Variants in UPF1 observed in about 807,000 individuals in gnomAD.
UPF1 encodes the protein regulator of nonsense transcripts 1.
UPF1 carries 9 observed loss-of-function variants against 129.2 expected under a neutral mutation model. That is an observed-to-expected ratio of 0.07 (90% CI 0.04 to 0.12). UPF1 has a LOEUF of 0.12. UPF1 is among the 10% of genes least tolerant of loss of function. The pLI is 1.00. For missense variants in UPF1, 788 were observed against 1,525.3 expected (o/e 0.52, Z 8.05); for synonymous variants, 649 against 644.9 (o/e 1.01, Z -0.10).
At position 18,850,305 on chromosome 19, in the gene UPF1, C is replaced by G; in HGVS notation, c.629+63C>G. The G allele has an allele frequency of 1.3e-6, 2 of 1,516,420 alleles. No homozygotes were observed. The highest frequency in any genetic ancestry group is 1.4e-5 in the African/African-American group (1 of 71,796). The allele number at this position is 1,516,420 out of a possible 1,614,324, so 93.9% of individuals were successfully genotyped here. A position where few individuals can be genotyped will look rare whatever the true frequency, so the allele number is the denominator to read the frequency against. On this transcript the variant is annotated intron_variant, in intron 4 of 23. Coordinates refer to ENST00000262803, the MANE Select transcript of UPF1 (RefSeq NM_002911.4). This position sits in a 1 kb window ranked among gnomAD's most constrained non-coding sequence, Gnocchi z 7.1. ...AAGCTCCAGCCGTCTCCTCACAAGC[C>G]TTGGCCCAGCCCAGCCCAGCCGTGG...
At chr19:18,845,053 G>T (rs2145943300) in intron 1 of UPF1, among the ~76,000 whole-genome samples, 1 of 152,332 alleles carries the variant, frequency 6.6e-6, no homozygotes, top group South Asian at 2.1e-4. Context: ...CTGTCCCTAG[G>T]CTCGCACAGG....
At chr19:18,841,549 C>A (rs1348082964) in intron 1 of UPF1, among the ~76,000 whole-genome samples, 2 of 152,218 alleles carry the variant, frequency 1.3e-5, no homozygotes, top group Non-Finnish European at 2.9e-5. Flanking sequence ...TGTCTCTGGG[C>A]CCTGCGTTCC....
chr19:18,854,732 C>T (rs200072484), intron 9 of UPF1, 23 bp downstream of exon 9: 521 of 1,610,318 alleles, frequency 3.2e-4, no homozygotes, highest in Non-Finnish European at 2.4e-4. Context: ...CCATCACTGC[C>T]CCCTGTTCCC....
chr19:18,861,072 T>C (rs979648638), intron 17 of UPF1, 90 bp downstream of exon 17: 21 of 1,456,504 alleles, frequency 1.4e-5, no homozygotes, highest in Non-Finnish European at 1.9e-5. Context: ...GAGGGGCCCG[T>C]CCTGGCTGGA....
At chr19:18,843,406 A>G (rs922613290) in intron 1 of UPF1, among the ~76,000 whole-genome samples, 1 of 152,048 alleles carries the variant, frequency 6.6e-6, no homozygotes, top group Non-Finnish European at 1.5e-5. Flanking sequence ...CAGTGGTGCA[A>G]ATGTTGGAGT....
intron 1 of UPF1, among the ~76,000 whole-genome samples, chr19:18,833,930 C>T (rs2055456247): frequency 6.6e-6 from 1 of 152,104 alleles, no homozygotes; most frequent in African/African-American, 2.4e-5. Context: ...ACCCCATATT[C>T]CTTAAAATAG....
Position 18,850,025 on chromosome 19 carries a change from G to T in UPF1, c.462-50G>T, listed in dbSNP as rs1414000121. 3.1e-6 allele frequency: 5 copies of T among 1,611,934 alleles called. No individual in the cohort carries two copies. The highest frequency in any genetic ancestry group is 1.7e-6 in the Non-Finnish European group (2 of 1,179,016). ...AACAGGGGCCCGAAAATTGGAAGTG[G>T]TGAAAAGCCAAATTTTGGGTGTTAA... On this transcript the variant is annotated intron_variant, in intron 3 of 23. Transcript: ENST00000262803. The surrounding 1 kb of genome is among the most constrained non-coding windows in gnomAD (Gnocchi z 7.1).
In UPF1 at chr19:18,867,796, G is replaced by C. The variant is rs1243567531; in HGVS notation, c.*1279G>C. The C allele has an allele frequency of 1.3e-5, 2 of 152,360 alleles. No homozygotes were observed. The highest frequency in any genetic ancestry group is 2.9e-5 in the Non-Finnish European group (2 of 68,136). The allele number at this position is 152,360 out of a possible 1,614,324, so 9.4% of individuals were successfully genotyped here. On this transcript the variant is annotated 3_prime_UTR_variant, in exon 24 of 24. Coordinates refer to ENST00000262803, the MANE Select transcript of UPF1 (RefSeq NM_002911.4). ...AACGCCTGGCTTGGGGTGTCATTCT[G>C]CCTGGCGGCCAGGCCTCCAGCTTCC...
Position 18,862,428 on chromosome 19 carries a change from G to A in UPF1, c.2600+276G>A, listed in dbSNP as rs7255787. On this transcript the variant is annotated intron_variant, in intron 18 of 23. Coordinates refer to ENST00000262803, the MANE Select transcript of UPF1 (RefSeq NM_002911.4). The stretch of plus-strand genomic sequence containing the variant: ...GTCTGTCAAGTTGTTTAATCTGAGA[G>A]GCTGTAAGTTTTGGTCCTGTCCACT... 4.3e-3 allele frequency among the ~76,000 whole-genome samples: 661 copies of A among 152,212 alleles called. 7 individuals carry two copies. Among genetic ancestry groups the A allele is most frequent in the African/African-American group, 0.015 (629 of 41,534 alleles).
chr19:18,864,100 C>A, intron 19 of UPF1, 70 bp from the exon 20 acceptor site: 2 of 1,423,556 alleles, frequency 1.4e-6, no homozygotes, highest in Non-Finnish European at 2.0e-6. Flanking sequence ...ACCTCCCAGG[C>A]CACCGGGCCC....
intron 3 of UPF1, chr19:18,848,118 A>G: frequency 2.7e-6 from 1 of 369,722 alleles, no homozygotes; most frequent in Non-Finnish European, 5.1e-6. Flanking sequence ...AGCTCTTGGC[A>G]CACCCGCTGA....
rs1601110715 is a variant in UPF1 at position 18,850,989 on chromosome 19, G to T, written c.810+121G>T. The T allele has an allele frequency of 7.9e-7, 1 of 1,260,130 alleles. No homozygotes were observed. The highest frequency in any genetic ancestry group is 2.7e-5 in the East Asian group (1 of 36,664). 78.1% of individuals were successfully genotyped at this position (1,260,130 alleles called of 1,614,324 possible). On this transcript the variant is annotated intron_variant, in intron 5 of 23. Transcript: ENST00000262803. The surrounding 1 kb of genome is among the most constrained non-coding windows in gnomAD (Gnocchi z 7.1). Reference sequence around the variant, plus strand: ...TGGAGATTCTCTGAAAGGAATTCAGGCAGACCTCTGCCACCTCTACGTGGA... The same window carrying T: ...TGGAGATTCTCTGAAAGGAATTCAGTCAGACCTCTGCCACCTCTACGTGGA...
At chr19:18,845,021 G>C (rs1028764026) in intron 1 of UPF1, among the ~76,000 whole-genome samples, 19 of 152,216 alleles carry the variant, frequency 1.2e-4, no homozygotes, top group Non-Finnish European at 2.5e-4. Context: ...GGCCTCTGTG[G>C]GGTGCTGCTC....
rs1028835090 is a variant in UPF1 at position 18,866,891 on chromosome 19, A to AG, written c.*376dup. 6.6e-6 allele frequency: 1 copy of AG among 152,636 alleles called. No homozygotes were observed. The highest frequency in any genetic ancestry group is 2.4e-5 in the African/African-American group (1 of 41,474). The allele number at this position is 152,636 out of a possible 1,614,324, so 9.5% of individuals were successfully genotyped here. On this transcript the variant is annotated 3_prime_UTR_variant, in exon 24 of 24. Coordinates refer to ENST00000262803, the MANE Select transcript of UPF1 (RefSeq NM_002911.4). ...GATTGAAAGGGGACTACGTCTTAGC[A>AG]GGAAAAAAAACTTCGCATTTCTGTG...
intron 17 of UPF1, among the ~76,000 whole-genome samples, chr19:18,861,402 C>T (rs921296164): frequency 6.6e-6 from 1 of 152,216 alleles, no homozygotes; most frequent in Non-Finnish European, 1.5e-5. Context: ...CACAGCTCTG[C>T]CTCCATGAGG....
Position 18,855,239 on chromosome 19 carries a change from A to T in UPF1, c.1541A>T (p.Asn514Ile), listed in dbSNP as rs752867365. 3.7e-6 allele frequency: 6 copies of T among 1,610,536 alleles called. No homozygotes were observed. In the South Asian group the frequency reaches 6.6e-5, roughly 18 times the overall value. The change falls in exon 11 of 24, where the codon AAC (asparagine) becomes ATC (isoleucine). Residue 514 changes from asparagine (N) to isoleucine (I), a missense_variant. Coordinates refer to ENST00000262803, the MANE Select transcript of UPF1 (RefSeq NM_002911.4). ...TIVYHLARQG[N>I]GPVLVCAPSN... is the part of the protein sequence containing the mutation. ...GTCTACCACCTGGCCCGGCAAGGCA[A>T]CGGGTAGGGCTGACACGGCCCTTGC...
In UPF1 at chr19:18,831,981, C is replaced by G. The variant is rs1203040869; in HGVS notation, c.-229C>G. ...GGCAGTTCCTGCTCTAGGCTGCGAG[C>G]GGCTGGCGGCTTCGAGGGGAGCTGA... On this transcript the variant is annotated 5_prime_UTR_variant, in exon 1 of 24. Transcript: ENST00000262803. 1 of 283,284 alleles carries G rather than the reference C, an allele frequency of 3.5e-6. No homozygotes were observed. The highest frequency in any genetic ancestry group is 6.5e-6 in the Non-Finnish European group (1 of 154,196). 17.5% of individuals were successfully genotyped at this position (283,284 alleles called of 1,614,324 possible).
At chr19:18,862,210 GA>G (rs923033257) in intron 18 of UPF1, 58 bp downstream of exon 18, 129 of 1,593,274 alleles carry the variant, frequency 8.1e-5, no homozygotes, top group Admixed American at 1.4e-4. Context: ...ACTTCCCAGG[GA>G]ATTTGGGGCT....
At chr19:18,838,867 A>G (rs572971615) in intron 1 of UPF1, among the ~76,000 whole-genome samples, 3 of 152,352 alleles carry the variant, frequency 2.0e-5, no homozygotes, top group East Asian at 1.9e-4. Context: ...CTGAGCTGAC[A>G]CTTTACAGTT....
Sources: gnomAD v4.1 joint callset for allele counts (sites outside exome capture counted in the v4.1 genomes callset) on GRCh38, gnomAD v4.1.1 for gene constraint, Gnocchi (gnomAD v3.1) non-coding constraint, MANE v1.5 for transcripts, NCBI Gene and HGNC (gene_info 2026-07-23, HGNC 2026-07-21) for gene names.